Variants in KCNQ2 observed in about 807,000 individuals in gnomAD.
The protein encoded by KCNQ2 is potassium voltage-gated channel subfamily KQT member 2.
KCNQ2 carries 14 observed loss-of-function variants against 84.8 expected under a neutral mutation model. The observed-to-expected ratio is 0.17, with a 90% CI of 0.11 to 0.26. The LOEUF is 0.26. Ranked by LOEUF, KCNQ2 falls within the 10% of genes least tolerant of loss-of-function variation. KCNQ2 has a pLI of 1.00. For missense variants in KCNQ2, 788 were observed against 1,254.0 expected (o/e 0.63, Z 5.61); for synonymous variants, 599 against 554.1 (o/e 1.08, Z -1.14).
intron 15 of KCNQ2, chr20:63,411,056 G>A: frequency 2.2e-6 from 1 of 453,360 alleles, no homozygotes; most frequent in Non-Finnish European, 4.4e-6. Flanking sequence ...CCGCACCTCT[G>A]TTCTGCCCAT....
chr20:63,460,827 C>T lies in KCNQ2; in HGVS notation c.296+11341G>A, dbSNP rs955005351. 2.0e-5 allele frequency: 3 copies of T among 152,380 alleles called. No individual in the cohort carries two copies. Among genetic ancestry groups the T allele is most frequent in the East Asian group, 1.9e-4 (1 of 5,178 alleles). 9.4% of individuals were successfully genotyped at this position (152,380 alleles called of 1,614,324 possible). ...AGGACAGCTGTGGTGTCGACATCCA[C>T]GCAGGGACACCACACAACACAGGGA... On this transcript the variant is annotated intron_variant, in intron 1 of 16. Transcript: ENST00000359125. The surrounding 1 kb of genome is among the most constrained non-coding windows in gnomAD (Gnocchi z 5.4).
chr20:63,467,019 G>A (rs901745903), intron 1 of KCNQ2, among the ~76,000 whole-genome samples: 3 of 152,310 alleles, frequency 2.0e-5, no homozygotes, highest in Admixed American at 1.3e-4. Flanking sequence ...GGTCTCCCCC[G>A]GGGGACATCG....
chr20:63,411,981 G>A, intron 15 of KCNQ2: 6 of 659,652 alleles, frequency 9.1e-6, no homozygotes, highest in Non-Finnish European at 1.7e-5. Flanking sequence ...GAAGCAACAG[G>A]GAGGCTCCGT....
At chr20:63,433,381 G>A in intron 8 of KCNQ2, 1 of 287,720 alleles carries the variant, frequency 3.5e-6, no homozygotes, top group Non-Finnish European at 6.5e-6. Context: ...CCCCCACGCC[G>A]GAGCCCTAGG....
intron 1 of KCNQ2, among the ~76,000 whole-genome samples, chr20:63,467,307 T>C (rs2082106498): frequency 6.6e-6 from 1 of 152,196 alleles, no homozygotes; most frequent in African/African-American, 2.4e-5. Flanking sequence ...CCACTCTGTG[T>C]AGCAGATTCA....
In KCNQ2 at chr20:63,408,870, A is replaced by G. The variant is rs987384492; in HGVS notation, c.1764-334T>C. 3.3e-5 allele frequency among the ~76,000 whole-genome samples: 5 copies of G among 151,704 alleles called. No homozygotes were observed. The highest frequency in any genetic ancestry group is 1.2e-4 in the African/African-American group (5 of 41,250). ...CATACCGCCCCCTCCAGCCAGCCCC[A>G]CCTGCTCACCCTCTTCCCTGCCCAA... On this transcript the variant is annotated intron_variant, in intron 15 of 16. Transcript: ENST00000359125. The surrounding 1 kb of genome is among the most constrained non-coding windows in gnomAD (Gnocchi z 5.0).
At chr20:63,412,453 T>C (rs1260187723) in intron 15 of KCNQ2, among the ~76,000 whole-genome samples, 2 of 152,164 alleles carry the variant, frequency 1.3e-5, no homozygotes, top group East Asian at 1.9e-4. Context: ...GAGAGGACGC[T>C]GGGAAAGAGG....
chr20:63,457,574 C>T (rs1375986433), intron 1 of KCNQ2, among the ~76,000 whole-genome samples: 1 of 152,262 alleles, frequency 6.6e-6, no homozygotes, highest in Non-Finnish European at 1.5e-5. Context: ...CGATGCCCCA[C>T]ACTGACCATG....
Position 63,468,217 on chromosome 20 carries a change from T to C in KCNQ2, c.296+3951A>G, listed in dbSNP as rs2082128196. Among the ~76,000 whole-genome samples, 4 of 152,224 alleles carry C rather than the reference T, an allele frequency of 2.6e-5. No individual in the cohort carries two copies. The South Asian group carries it at 8.3e-4, about 32-fold the overall frequency. On this transcript the variant is annotated intron_variant, in intron 1 of 16. Transcript: ENST00000359125. Reference sequence around the variant, plus strand: ...CGAGGCTTCTTCACCTTTTGGGAAATTTCCATAAGATTTCCTACACAGGAG... The same window carrying C: ...CGAGGCTTCTTCACCTTTTGGGAAACTTCCATAAGATTTCCTACACAGGAG...
chr20:63,408,667 A>G lies in KCNQ2; in HGVS notation c.1764-131T>C. 1 of 1,385,820 alleles carries G rather than the reference A, an allele frequency of 7.2e-7. No individual in the cohort carries two copies. The allele number at this position is 1,385,820 out of a possible 1,614,324, so 85.8% of individuals were successfully genotyped here. A position where few individuals can be genotyped will look rare whatever the true frequency, so the allele number is the denominator to read the frequency against. On this transcript the variant is annotated intron_variant, in intron 15 of 16. Transcript: ENST00000359125. This position sits in a 1 kb window ranked among gnomAD's most constrained non-coding sequence, Gnocchi z 5.0. ...CTCAGCCCAGAGCCGACCAGGGGGCAGTGGGTGCCAGGACAGATGGACGGG... is the reference window on the plus strand; with the variant it reads ...CTCAGCCCAGAGCCGACCAGGGGGCGGTGGGTGCCAGGACAGATGGACGGG...
At chr20:63,453,468 G>A (rs369980859) in intron 1 of KCNQ2, among the ~76,000 whole-genome samples, 11 of 152,360 alleles carry the variant, frequency 7.2e-5, no homozygotes, top group African/African-American at 1.9e-4. Context: ...CAGACATCTC[G>A]TGCGCCTTCT....
rs764136881 is a variant in KCNQ2 at position 63,401,294 on chromosome 20, C to T, written c.*5350G>A. ...GATGTCACCTCCTCCCAGGGTCGGC[C>T]GTCAGCCCCCACCCTTACAAGACGG... On this transcript the variant is annotated 3_prime_UTR_variant, in exon 17 of 17. Coordinates refer to ENST00000359125, the MANE Select transcript of KCNQ2 (RefSeq NM_172107.4). 1 of 165,706 alleles carries T rather than the reference C, an allele frequency of 6.0e-6. No individual in the cohort carries two copies. Among genetic ancestry groups the T allele is most frequent in the Non-Finnish European group, 1.3e-5 (1 of 77,538 alleles). 10.3% of individuals were successfully genotyped at this position (165,706 alleles called of 1,614,324 possible).
chr20:63,465,237 A>G (rs2082050913), intron 1 of KCNQ2, among the ~76,000 whole-genome samples: 2 of 152,214 alleles, frequency 1.3e-5, no homozygotes, highest in Non-Finnish European at 2.9e-5. Flanking sequence ...CAGAAAACAA[A>G]AAGTCTAACC....
chr20:63,464,892 C>T (rs1052033478), intron 1 of KCNQ2, among the ~76,000 whole-genome samples: 1 of 152,236 alleles, frequency 6.6e-6, no homozygotes, highest in Non-Finnish European at 1.5e-5. Flanking sequence ...CCCCCAGTCC[C>T]GTCCTCTCCA....
At chr20:63,413,426 T>C (rs765163023) in intron 15 of KCNQ2, 24 bp downstream of exon 15, 22 of 1,612,744 alleles carry the variant, frequency 1.4e-5, no homozygotes, top group Non-Finnish European at 1.7e-5. Flanking sequence ...TGTCCCCTGC[T>C]GGACAGGCAG....
intron 12 of KCNQ2, among the ~76,000 whole-genome samples, chr20:63,417,755 C>T (rs545397369): frequency 3.9e-5 from 6 of 152,354 alleles, no homozygotes; most frequent in Non-Finnish European, 8.8e-5. Context: ...GACCCAGCCC[C>T]GACGTCTGCT....
In KCNQ2 at chr20:63,431,272, G is replaced by A. The variant is rs1003700888; in HGVS notation, c.1148+68C>T. On this transcript the variant is annotated intron_variant, in intron 9 of 16. Coordinates refer to ENST00000359125, the MANE Select transcript of KCNQ2 (RefSeq NM_172107.4). ...GCCACGGGGCTCCAGGGGCTTGCCC[G>A]GTCACAGTTCCAGACACAGAACTAG... 134 of 1,586,020 alleles carry A rather than the reference G, an allele frequency of 8.4e-5. 5 individuals are homozygous for A. The highest frequency in any genetic ancestry group is 7.8e-4 in the South Asian group (71 of 90,534).
chr20:63,410,396 C>T (rs1371749931), intron 15 of KCNQ2, among the ~76,000 whole-genome samples: 3 of 152,166 alleles, frequency 2.0e-5, no homozygotes, highest in Non-Finnish European at 2.9e-5. Flanking sequence ...CTCAGTGCCC[C>T]GTGAGGTGGG....
Position 63,472,279 on chromosome 20 carries a change from G to A in KCNQ2, c.185C>T (p.Ala62Val), listed in dbSNP as rs796052612. The A allele has an allele frequency of 1.0e-4, 153 of 1,536,762 alleles. 1 individual carries two copies. The East Asian group carries it at 3.8e-3, about 39-fold the overall frequency. The change falls in exon 1 of 17, where the codon GCG becomes GTG. Residue 62 changes from alanine to valine, a missense_variant. By Grantham distance (64) the Ala-to-Val change is moderately conservative (BLOSUM62 0). Coordinates refer to ENST00000359125, the MANE Select transcript of KCNQ2 (RefSeq NM_172107.4). ...GCGCTTGGGGGGCTTCCCGGCGCCCGCGCCGCCCGCGCGAGGTTTGCTGAG... is the reference window on the plus strand; with the variant it reads ...GCGCTTGGGGGGCTTCCCGGCGCCCACGCCGCCCGCGCGAGGTTTGCTGAG... ...SILSKPRAGG[A>V]GAGKPPKRNA...
Sources: gnomAD v4.1 joint callset for allele counts (sites outside exome capture counted in the v4.1 genomes callset) on GRCh38, gnomAD v4.1.1 for gene constraint, Gnocchi (gnomAD v3.1) non-coding constraint, MANE v1.5 for transcripts, NCBI Gene and HGNC (gene_info 2026-07-23, HGNC 2026-07-21) for gene names.